RAB27A: variants seen among roughly 807,000 people sequenced by gnomAD.
RAB27A encodes ras-related protein Rab-27A.
A neutral mutation model predicts 20.8 loss-of-function variants in RAB27A; 17 were observed. The observed-to-expected ratio is 0.82, with a 90% CI of 0.56 to 1.23. The LOEUF (loss-of-function observed/expected upper bound fraction) is 1.23, where lower values mean the gene tolerates loss of function less well. Among genes scored for constraint, RAB27A ranks in the 50% most tolerant of loss-of-function variants. The pLI is 0.00. For synonymous variants in RAB27A, 85 were observed against 92.8 expected (o/e 0.92, Z 0.48); for missense variants, 277 against 266.7 (o/e 1.04, Z -0.27).
chr15:55,298,307 G>T (rs566428393), intron 2 of RAB27A, among the ~76,000 whole-genome samples: 1 of 152,106 alleles, frequency 6.6e-6, no homozygotes, highest in African/African-American at 2.4e-5. Flanking sequence ...GCCAGCTTGA[G>T]AAATAAAGGG....
chr15:55,218,313 C>A (rs1428557642), intron 6 of RAB27A, among the ~76,000 whole-genome samples: 1 of 152,192 alleles, frequency 6.6e-6, no homozygotes, highest in Non-Finnish European at 1.5e-5. Context: ...AATCCAGATC[C>A]TCTGCTGAGT....
At chr15:55,276,262 C>T (rs113902064) in intron 1 of RAB27A, among the ~76,000 whole-genome samples, 32 of 152,006 alleles carry the variant, frequency 2.1e-4, no homozygotes, top group Admixed American at 6.6e-5. Flanking sequence ...TCTATACATA[C>T]AATGAAAAAG....
chr15:55,260,096 C>T (rs1897221407), intron 2 of RAB27A: 1 of 145,876 alleles, frequency 6.9e-6, no homozygotes, highest in Non-Finnish European at 1.6e-5. Context: ...GCATATTTCT[C>T]CATCTATTTA....
At chr15:55,214,121 C>T (rs1014782571) in intron 6 of RAB27A, among the ~76,000 whole-genome samples, 1 of 152,220 alleles carries the variant, frequency 6.6e-6, no homozygotes, top group African/African-American at 2.4e-5. Context: ...CTCTGCAATT[C>T]TCTGTTTTAG....
At chr15:55,233,069 G>T (rs1191417405) in intron 3 of RAB27A, among the ~76,000 whole-genome samples, 1 of 152,042 alleles carries the variant, frequency 6.6e-6, no homozygotes, top group African/African-American at 2.4e-5. Flanking sequence ...AGGTTGCGGT[G>T]AGCTGAGATC....
At chr15:55,229,812 G>C (rs549409193) in intron 4 of RAB27A, among the ~76,000 whole-genome samples, 3 of 152,316 alleles carry the variant, frequency 2.0e-5, no homozygotes, top group Non-Finnish European at 4.4e-5. Flanking sequence ...ATGAAATTCT[G>C]TTGGCCACAA....
intron 1 of RAB27A, among the ~76,000 whole-genome samples, chr15:55,277,028 T>C (rs1897893302): frequency 6.6e-6 from 1 of 152,040 alleles, no homozygotes; most frequent in Non-Finnish European, 1.5e-5. Flanking sequence ...AATTGTTAAG[T>C]AGGGGAAGGA....
chr15:55,249,218 C>T (rs1896798658), intron 2 of RAB27A, among the ~76,000 whole-genome samples: 1 of 152,136 alleles, frequency 6.6e-6, no homozygotes, highest in Admixed American at 6.5e-5. Context: ...AATTTTATTG[C>T]ATTGTGATCA....
At chr15:55,259,039 C>T (rs534671255) in intron 2 of RAB27A, among the ~76,000 whole-genome samples, 5 of 152,252 alleles carry the variant, frequency 3.3e-5, no homozygotes, top group Admixed American at 3.3e-4. Context: ...TGGTCTCGAA[C>T]TCCTAGCGGC....
At chr15:55,215,156 T>G (rs1895220915) in intron 6 of RAB27A, among the ~76,000 whole-genome samples, 1 of 152,200 alleles carries the variant, frequency 6.6e-6, no homozygotes, top group African/African-American at 2.4e-5. Flanking sequence ...ATACTTCATT[T>G]TAAAAATTCT....
In RAB27A at chr15:55,223,869, T is replaced by A; in HGVS notation, c.467+20A>T. On this transcript the variant is annotated intron_variant, in intron 6 of 6. Transcript: ENST00000336787. Reference sequence around the variant, plus strand: ...TATATTGAAAATGTTTTCTCTAGACTTCTCCACAAAAATACTCACCCATAT... The same window carrying A: ...TATATTGAAAATGTTTTCTCTAGACATCTCCACAAAAATACTCACCCATAT... 1 of 1,612,546 alleles carries A rather than the reference T, an allele frequency of 6.2e-7. No individual in the cohort carries two copies. Among genetic ancestry groups the A allele is most frequent in the African/African-American group, 1.3e-5 (1 of 75,042 alleles).
intron 6 of RAB27A, among the ~76,000 whole-genome samples, chr15:55,215,332 G>T (rs1260963036): frequency 6.6e-6 from 1 of 152,190 alleles, no homozygotes; most frequent in Non-Finnish European, 1.5e-5. Context: ...GTGCATGGAA[G>T]TTATCAACAA....
At chr15:55,262,181 C>T (rs1897292600) in intron 2 of RAB27A, among the ~76,000 whole-genome samples, 1 of 152,086 alleles carries the variant, frequency 6.6e-6, no homozygotes, top group Non-Finnish European at 1.5e-5. Context: ...CTAATTCCAG[C>T]AATCTGTTAA....
intron 6 of RAB27A, among the ~76,000 whole-genome samples, chr15:55,212,620 C>G (rs1281151708): frequency 1.3e-5 from 2 of 151,952 alleles, no homozygotes; most frequent in East Asian, 3.9e-4. Flanking sequence ...AGCTCCGCCT[C>G]CCGGGCTCAC....
At chr15:55,244,223 G>A (rs1292581853) in intron 2 of RAB27A, among the ~76,000 whole-genome samples, 2 of 152,164 alleles carry the variant, frequency 1.3e-5, no homozygotes, top group East Asian at 1.9e-4. Flanking sequence ...GTTGAGGCAG[G>A]AGAATCACTT....
chr15:55,285,415 G>A (rs565315499), intron 1 of RAB27A, among the ~76,000 whole-genome samples: 3 of 151,462 alleles, frequency 2.0e-5, no homozygotes, highest in African/African-American at 4.8e-5. Flanking sequence ...AGTATTACTA[G>A]ACCTCAATCA....
At chr15:55,232,042 A>T (rs1445750034) in intron 3 of RAB27A, among the ~76,000 whole-genome samples, 1 of 152,190 alleles carries the variant, frequency 6.6e-6, no homozygotes, top group African/African-American at 2.4e-5. Context: ...AAAAGGTCCT[A>T]ATCTCTCACT....
At chr15:55,299,274 C>G (rs1021304918) in intron 2 of RAB27A, among the ~76,000 whole-genome samples, 1 of 152,162 alleles carries the variant, frequency 6.6e-6, no homozygotes, top group Non-Finnish European at 1.5e-5. Flanking sequence ...TGGCTTCAGC[C>G]GGTCCCTCCA....
At chr15:55,272,460 G>C (rs1300030341) in intron 1 of RAB27A, among the ~76,000 whole-genome samples, 4 of 152,168 alleles carry the variant, frequency 2.6e-5, no homozygotes, top group African/African-American at 4.8e-5. Flanking sequence ...ATTTCTCCTA[G>C]TAAGCACCCA....
Sources: gnomAD v4.1 joint callset for allele counts (sites outside exome capture counted in the v4.1 genomes callset) on GRCh38, gnomAD v4.1.1 for gene constraint, MANE v1.5 for transcripts, NCBI Gene and HGNC (gene_info 2026-07-23, HGNC 2026-07-21) for gene names.